Variants in CADM2 observed in about 807,000 individuals in gnomAD.
CADM2 encodes cell adhesion molecule 2, also known as immunoglobulin superfamily member 4D.
Under a neutral mutation model 49.8 loss-of-function variants are expected in CADM2, and 12 were observed. The ratio of observed to expected loss-of-function variants is 0.24; its 90% CI spans 0.15 to 0.39. The LOEUF is 0.39. CADM2 is among the 10% of genes least tolerant of loss of function. The pLI, the probability that CADM2 is intolerant of heterozygous loss-of-function variation, is 1.00. For missense variants in CADM2, 378 were observed against 492.3 expected, an observed-to-expected ratio of 0.77 and a Z score of 2.20; for synonymous variants, 214 against 175.4, an observed-to-expected ratio of 1.22 and a Z score of -1.74.
intron 3 of CADM2, among the ~76,000 whole-genome samples, chr3:85,880,395 A>AT (rs1577550071): frequency 6.6e-6 from 1 of 151,692 alleles, no homozygotes; most frequent in Non-Finnish European, 1.5e-5. Context: ...TTATTTTGTT[A>AT]TTTTTTCATT....
intron 1 of CADM2, among the ~76,000 whole-genome samples, chr3:85,570,937 A>C (rs949650419): frequency 1.3e-5 from 2 of 152,180 alleles, no homozygotes; most frequent in Non-Finnish European, 2.9e-5. Context: ...ATTTTTGAGG[A>C]ACTACCTGAT....
At chr3:85,634,864 A>C (rs992844472) in intron 1 of CADM2, among the ~76,000 whole-genome samples, 1 of 147,000 alleles carries the variant, frequency 6.8e-6, no homozygotes, top group Non-Finnish European at 1.5e-5. Context: ...GTATTTATAC[A>C]TTCAATTTTC....
At chr3:85,381,983 C>A (rs1194017352) in intron 1 of CADM2, among the ~76,000 whole-genome samples, 1 of 151,518 alleles carries the variant, frequency 6.6e-6, no homozygotes. Flanking sequence ...ACTCACCAAG[C>A]CTTTTTTTTT....
At chr3:85,212,880 TTC>T (rs1464108938) in intron 1 of CADM2, among the ~76,000 whole-genome samples, 4 of 89,056 alleles carry the variant, frequency 4.5e-5, no homozygotes, top group African/African-American at 1.8e-4. Context: ...CTTTCTTTCT[TTC>T]TTTCTCTTTC....
chr3:85,361,454 T>G (rs2032356529), intron 1 of CADM2, among the ~76,000 whole-genome samples: 1 of 152,190 alleles, frequency 6.6e-6, no homozygotes, highest in Non-Finnish European at 1.5e-5. Flanking sequence ...TTAACAGTAC[T>G]AAATAATTAT....
intron 1 of CADM2, among the ~76,000 whole-genome samples, chr3:85,158,309 A>T (rs1010549736): frequency 7.9e-5 from 12 of 152,242 alleles, no homozygotes; most frequent in African/African-American, 2.4e-4. Context: ...TAGAACTAGA[A>T]ATGCCATTTG....
intron 1 of CADM2, among the ~76,000 whole-genome samples, chr3:85,370,786 G>A (rs963268745): frequency 3.3e-5 from 5 of 152,070 alleles, no homozygotes; most frequent in African/African-American, 9.7e-5. Flanking sequence ...TATCATAGAA[G>A]ATAACAGCCC....
chr3:85,855,597 TAA>T (rs1353882145), intron 3 of CADM2, among the ~76,000 whole-genome samples: 1 of 95,664 alleles, frequency 1.0e-5, no homozygotes, highest in Non-Finnish European at 1.9e-5. Context: ...TATATATATA[TAA>T]AACATATATA....
chr3:85,458,441 TC>T (rs1307343826), intron 1 of CADM2, among the ~76,000 whole-genome samples: 2 of 152,204 alleles, frequency 1.3e-5, no homozygotes, highest in African/African-American at 2.4e-5. Flanking sequence ...AAAGTTTTAT[TC>T]ATTCACTCAA....
chr3:85,666,715 T>C (rs997665977), intron 1 of CADM2, among the ~76,000 whole-genome samples: 2 of 151,534 alleles, frequency 1.3e-5, no homozygotes, highest in Non-Finnish European at 2.9e-5. Flanking sequence ...TCCTTCGATA[T>C]GGGACTGAAC....
chr3:85,634,159 G>A (rs912369753), intron 1 of CADM2, among the ~76,000 whole-genome samples: 5 of 151,986 alleles, frequency 3.3e-5, no homozygotes, highest in East Asian at 1.9e-4. Flanking sequence ...GAAGAGGAAC[G>A]TAAAATGAAG....
chr3:85,801,985 C>A (rs2072071858), intron 2 of CADM2, 62 bp from the exon 3 acceptor site: 2 of 1,422,410 alleles, frequency 1.4e-6, no homozygotes, highest in East Asian at 2.3e-5. Context: ...CAGTGTAGAT[C>A]TTAGGCAGTT....
chr3:85,390,540 C>G lies in CADM2; in HGVS notation c.62-335982C>G, dbSNP rs540533791. Among the ~76,000 whole-genome samples, 4 of 152,120 alleles carry G rather than the reference C, an allele frequency of 2.6e-5. No individual in the cohort carries two copies. In the South Asian group the frequency reaches 8.3e-4, roughly 32 times the overall value. On this transcript the variant is annotated intron_variant, in intron 1 of 9. Coordinates refer to ENST00000383699, the MANE Select transcript of CADM2 (RefSeq NM_001167675.2). ...TCCTTCTAGGTGTAGGAGGTCAGGC[C>G]TGTATCCAATGTCTATTCCTGTTTT...
intron 1 of CADM2, among the ~76,000 whole-genome samples, chr3:85,083,550 C>T (rs1257272719): frequency 6.6e-6 from 1 of 152,074 alleles, no homozygotes; most frequent in African/African-American, 2.4e-5. Flanking sequence ...TAATGAAGTG[C>T]TGTCAATGAA....
chr3:85,175,033 T>C (rs1473177859), intron 1 of CADM2, among the ~76,000 whole-genome samples: 1 of 152,198 alleles, frequency 6.6e-6, no homozygotes, highest in East Asian at 1.9e-4. Flanking sequence ...ATGATCAATA[T>C]CACTAGTCAT....
chr3:85,689,811 A>G (rs991009836), intron 1 of CADM2, among the ~76,000 whole-genome samples: 4 of 152,196 alleles, frequency 2.6e-5, no homozygotes, highest in Admixed American at 2.6e-4. Flanking sequence ...GCCTGTGGAG[A>G]ATATGAAGAT....
chr3:86,011,424 T>C (rs1329950275), intron 8 of CADM2, among the ~76,000 whole-genome samples: 1 of 152,088 alleles, frequency 6.6e-6, no homozygotes, highest in African/African-American at 2.4e-5. Flanking sequence ...TATTTGAAAA[T>C]TGGAAAACTC....
chr3:85,140,711 C>T (rs1328063220), intron 1 of CADM2, among the ~76,000 whole-genome samples: 1 of 152,180 alleles, frequency 6.6e-6, no homozygotes, highest in African/African-American at 2.4e-5. Context: ...AATGGAAAGT[C>T]ATTTGACAGG....
intron 1 of CADM2, among the ~76,000 whole-genome samples, chr3:84,978,116 T>C (rs1181509751): frequency 6.6e-6 from 1 of 152,138 alleles, no homozygotes; most frequent in African/African-American, 2.4e-5. Flanking sequence ...GAAATTAATA[T>C]AAATGTGCTA....
Sources: allele counts gnomAD v4.1 joint callset (sites outside exome capture counted in the v4.1 genomes callset), GRCh38; gene constraint gnomAD v4.1.1; transcripts MANE v1.5; gene names NCBI Gene and HGNC (gene_info 2026-07-23, HGNC 2026-07-21).